The following RSPO2 variants were observed in gnomAD, a reference collection of about 807,000 sequenced individuals.
RSPO2 encodes R-spondin 2, also known as R-spondin-2.
RSPO2 carries 14 observed loss-of-function variants against 30.9 expected under a neutral mutation model. The ratio of observed to expected loss-of-function variants is 0.45; its 90% CI spans 0.30 to 0.71. RSPO2 has a LOEUF of 0.71. RSPO2 is among the 30% of genes least tolerant of loss of function. The pLI, the probability that RSPO2 is intolerant of heterozygous loss-of-function variation, is 0.08. For missense variants in RSPO2, 264 were observed against 301.9 expected (o/e 0.87, Z 0.93); for synonymous variants, 107 against 96.4 (o/e 1.11, Z -0.64).
intron 2 of RSPO2, among the ~76,000 whole-genome samples, chr8:108,080,195 G>C (rs1813150437): frequency 6.6e-6 from 1 of 152,170 alleles, no homozygotes; most frequent in African/African-American, 2.4e-5. Context: ...ACCCTACACT[G>C]TCTGGCCAGC....
rs149259372 is a variant in RSPO2, at chr8:107,967,250, A to G, written c.284-6433T>C. Among the ~76,000 whole-genome samples, 726 of 152,310 alleles carry G rather than the reference A, an allele frequency of 4.8e-3. 3 individuals are homozygous for G. Among genetic ancestry groups the G allele is most frequent in the African/African-American group, 0.015 (628 of 41,584 alleles). Reference sequence around the variant, plus strand: ...CAAATTTTCACATGGAAAGCACTAGACTATGGAACTTAATATAAGGTTTTT... The same window carrying G: ...CAAATTTTCACATGGAAAGCACTAGGCTATGGAACTTAATATAAGGTTTTT... On this transcript the variant is annotated intron_variant, in intron 3 of 5. Transcript: ENST00000276659.
In RSPO2 at chr8:108,083,569, G is replaced by T. The variant is rs1813284259; in HGVS notation, c.-542C>A. On this transcript the variant is annotated 5_prime_UTR_variant, in exon 1 of 6. Transcript: ENST00000276659. Reference sequence around the variant, plus strand: ...GAAGGCAGAACGCTCTCGGGAGGACGAAGTGATCCGAAGGGATGTGGCAAG... The same window carrying T: ...GAAGGCAGAACGCTCTCGGGAGGACTAAGTGATCCGAAGGGATGTGGCAAG... 6.6e-6 allele frequency: 1 copy of T among 152,320 alleles called. No homozygotes were observed. The highest frequency in any genetic ancestry group is 1.5e-5 in the Non-Finnish European group (1 of 68,112). 9.4% of individuals were successfully genotyped at this position (152,320 alleles called of 1,614,324 possible). A position where few individuals can be genotyped will look rare whatever the true frequency, so the allele number is the denominator to read the frequency against.
At chr8:107,913,824 A>C (rs1218602177) in intron 5 of RSPO2, among the ~76,000 whole-genome samples, 3 of 152,154 alleles carry the variant, frequency 2.0e-5, no homozygotes, top group Non-Finnish European at 2.9e-5. Context: ...TAAACATACA[A>C]TATAAACTAA....
At chr8:107,945,085 T>C (rs1330502382) in intron 5 of RSPO2, among the ~76,000 whole-genome samples, 1 of 151,972 alleles carries the variant, frequency 6.6e-6, no homozygotes, top group Non-Finnish European at 1.5e-5. Flanking sequence ...AGGAAAAATA[T>C]CTTTGTAAAT....
chr8:108,019,693 T>C (rs1810999815), intron 2 of RSPO2, among the ~76,000 whole-genome samples: 1 of 152,222 alleles, frequency 6.6e-6, no homozygotes, highest in Non-Finnish European at 1.5e-5. Flanking sequence ...TTAACCTGTG[T>C]GACAAGAACA....
rs1284007005 is a variant in RSPO2, at chr8:107,990,027, A to AG, written c.95-784dup. ...AAAACCAGAAATAAGGACATTCTAAAGGAGTCTTTAAAATGAATATCTACA... is the reference window on the plus strand; with the variant it reads ...AAAACCAGAAATAAGGACATTCTAAAGGGAGTCTTTAAAATGAATATCTACA... On this transcript the variant is annotated intron_variant, in intron 2 of 5. Coordinates refer to ENST00000276659, the MANE Select transcript of RSPO2 (RefSeq NM_178565.5). Among the ~76,000 whole-genome samples, 12 of 152,316 alleles carry AG rather than the reference A, an allele frequency of 7.9e-5. No homozygotes were observed. The East Asian group carries it at 2.3e-3, about 29-fold the overall frequency.
At chr8:107,924,891 C>CA (rs543860858) in intron 5 of RSPO2, among the ~76,000 whole-genome samples, 6 of 150,478 alleles carry the variant, frequency 4.0e-5, no homozygotes, top group East Asian at 2.0e-4. Context: ...AATATGCATG[C>CA]AAAAAAAATG....
chr8:107,947,451 C>A (rs1813101049), intron 5 of RSPO2, among the ~76,000 whole-genome samples: 2 of 152,178 alleles, frequency 1.3e-5, no homozygotes, highest in South Asian at 4.1e-4. Flanking sequence ...AAAAACTGTA[C>A]AAATACAAAC....
At chr8:107,925,757 G>A (rs542160418) in intron 5 of RSPO2, among the ~76,000 whole-genome samples, 2 of 152,292 alleles carry the variant, frequency 1.3e-5, no homozygotes, top group Admixed American at 6.5e-5. Context: ...TGGCTGCATA[G>A]TATTCCATGG....
chr8:108,071,660 T>C (rs1324786439), intron 2 of RSPO2, among the ~76,000 whole-genome samples: 2 of 152,184 alleles, frequency 1.3e-5, no homozygotes, highest in Non-Finnish European at 2.9e-5. Context: ...CTACAGCTAT[T>C]CTCCCCCACT....
At chr8:108,081,892 A>C (rs1176584750) in intron 2 of RSPO2, 2 of 985,294 alleles carry the variant, frequency 2.0e-6, no homozygotes, top group Non-Finnish European at 2.4e-6. Context: ...CTCCCCAGAA[A>C]ACCAGCGCGG....
At chr8:108,072,560 G>A (rs371394759) in intron 2 of RSPO2, among the ~76,000 whole-genome samples, 100 of 144,046 alleles carry the variant, frequency 6.9e-4, no homozygotes, top group Middle Eastern at 7.5e-3. Context: ...GGATAGTCTC[G>A]ATCTCCTGAC....
intron 2 of RSPO2, among the ~76,000 whole-genome samples, chr8:107,997,685 G>A (rs372224628): frequency 6.6e-6 from 1 of 152,144 alleles, no homozygotes; most frequent in African/African-American, 2.4e-5. Context: ...GTTATATCAA[G>A]AGAGAAAAAA....
intron 2 of RSPO2, among the ~76,000 whole-genome samples, chr8:108,004,473 G>T (rs576322840): frequency 2.5e-4 from 38 of 152,286 alleles, no homozygotes; most frequent in Admixed American, 8.5e-4. Context: ...CCACTCAAAT[G>T]ATCAAAACTA....
At chr8:108,065,034 A>G (rs2130712736) in intron 2 of RSPO2, among the ~76,000 whole-genome samples, 1 of 151,882 alleles carries the variant, frequency 6.6e-6, no homozygotes, top group Middle Eastern at 3.4e-3. Context: ...GGTGGGGAGA[A>G]GGGGGAGGGA....
At chr8:107,934,249 C>A (rs1812645656) in intron 5 of RSPO2, among the ~76,000 whole-genome samples, 1 of 152,028 alleles carries the variant, frequency 6.6e-6, no homozygotes, top group Non-Finnish European at 1.5e-5. Flanking sequence ...TACAGTAATT[C>A]TACTATTCAA....
intron 3 of RSPO2, among the ~76,000 whole-genome samples, chr8:107,965,552 A>G (rs1813773692): frequency 6.6e-6 from 1 of 152,006 alleles, no homozygotes; most frequent in African/African-American, 2.4e-5. Context: ...GCACTAACAG[A>G]GCATCACAAT....
At chr8:107,912,697 T>G (rs1811861347) in intron 5 of RSPO2, among the ~76,000 whole-genome samples, 1 of 152,282 alleles carries the variant, frequency 6.6e-6, no homozygotes, top group Middle Eastern at 3.4e-3. Context: ...GATAATCAAG[T>G]TTGGGGCTTC....
chr8:108,002,453 A>G (rs1291955720), intron 2 of RSPO2, among the ~76,000 whole-genome samples: 1 of 152,170 alleles, frequency 6.6e-6, no homozygotes, highest in Non-Finnish European at 1.5e-5. Context: ...GACCTATCCA[A>G]CTGCCTGTAG....
Sources: gnomAD v4.1 joint callset for allele counts (sites outside exome capture counted in the v4.1 genomes callset) on GRCh38, gnomAD v4.1.1 for gene constraint, MANE v1.5 for transcripts, NCBI Gene and HGNC (gene_info 2026-07-23, HGNC 2026-07-21) for gene names.